Variants in CNBD1 observed in about 807,000 individuals in gnomAD.
CNBD1 encodes cyclic nucleotide-binding domain-containing protein 1.
Under a neutral mutation model 54.4 loss-of-function variants are expected in CNBD1, and 71 were observed. That is an observed-to-expected ratio of 1.30 (90% CI 1.08 to 1.59). CNBD1 has a LOEUF of 1.59. Ranked by LOEUF, CNBD1 falls within the 40% of genes most tolerant of loss-of-function variation. The pLI, the probability that CNBD1 is intolerant of heterozygous loss-of-function variation, is 0.00. For missense variants in CNBD1, 659 were observed against 518.0 expected (o/e 1.27, Z -2.64); for synonymous variants, 182 against 170.7 (o/e 1.07, Z -0.51).
At chr8:86,990,859 A>G (rs1206537648) in intron 4 of CNBD1, among the ~76,000 whole-genome samples, 3 of 151,994 alleles carry the variant, frequency 2.0e-5, no homozygotes, top group Admixed American at 1.3e-4. Context: ...GTCCTCTTAA[A>G]TTTCTTTCAA....
intron 4 of CNBD1, among the ~76,000 whole-genome samples, chr8:87,180,766 G>A (rs1236830066): frequency 2.0e-5 from 3 of 152,168 alleles, no homozygotes; most frequent in Admixed American, 2.0e-4. Flanking sequence ...AGGAGTGTGT[G>A]TTTGACTCTC....
chr8:87,247,899 G>T (rs1022459835), intron 6 of CNBD1, among the ~76,000 whole-genome samples: 1 of 152,190 alleles, frequency 6.6e-6, no homozygotes, highest in African/African-American at 2.4e-5. Flanking sequence ...CACAATTTCT[G>T]TATGGGTGAC....
downstream of CNBD1, among the ~76,000 whole-genome samples, chr8:87,385,750 G>A (rs923560457): frequency 6.6e-6 from 1 of 152,160 alleles, no homozygotes; most frequent in Admixed American, 6.5e-5. Context: ...GTCCCTGTCT[G>A]ACAGCTTTGA....
intron 4 of CNBD1, among the ~76,000 whole-genome samples, chr8:87,176,484 T>C (rs1171361377): frequency 6.0e-5 from 1 of 16,584 alleles, no homozygotes; most frequent in Non-Finnish European, 1.3e-4. Flanking sequence ...TAAGTTAGTA[T>C]TTTTTTTTTT....
chr8:86,936,576 T>A (rs147443656), intron 3 of CNBD1, among the ~76,000 whole-genome samples: 3,186 of 151,888 alleles, frequency 0.021, 105 homozygotes, highest in African/African-American at 0.073. Context: ...CCATCTCTAC[T>A]AAAAATGCAA....
intron 8 of CNBD1, among the ~76,000 whole-genome samples, chr8:87,349,107 A>G (rs530401788): frequency 9.2e-5 from 14 of 152,306 alleles, no homozygotes; most frequent in African/African-American, 2.4e-4. Context: ...AATTTTGTCT[A>G]TATAGTTCAT....
At chr8:87,186,699 T>C (rs1054292152) in intron 4 of CNBD1, among the ~76,000 whole-genome samples, 1 of 152,052 alleles carries the variant, frequency 6.6e-6, no homozygotes, top group African/African-American at 2.4e-5. Context: ...TTTTGAATTC[T>C]TATTTTAACT....
At chr8:87,113,792 G>A (rs529096535) in intron 4 of CNBD1, among the ~76,000 whole-genome samples, 13 of 152,006 alleles carry the variant, frequency 8.6e-5, no homozygotes, top group Non-Finnish European at 1.5e-4. Context: ...GGTGGCAGGC[G>A]CCTGTAGTCC....
At chr8:86,920,966 G>A (rs767445415) in intron 3 of CNBD1, among the ~76,000 whole-genome samples, 24 of 151,944 alleles carry the variant, frequency 1.6e-4, no homozygotes, top group Admixed American at 1.4e-3. Flanking sequence ...CTCTAAATGT[G>A]TGAGAGCAGA....
At chr8:87,307,432 C>T (rs1285029799) in intron 8 of CNBD1, among the ~76,000 whole-genome samples, 1 of 152,142 alleles carries the variant, frequency 6.6e-6, no homozygotes, top group Admixed American at 6.6e-5. Flanking sequence ...TTGCTGAAAA[C>T]TTAAGTGATC....
chr8:87,058,131 T>C (rs1167824912), intron 4 of CNBD1, among the ~76,000 whole-genome samples: 2 of 152,126 alleles, frequency 1.3e-5, no homozygotes, highest in Non-Finnish European at 1.5e-5. Flanking sequence ...AGAATCCAAA[T>C]AGCAGAGTCA....
At chr8:86,970,934 A>G (rs1808205953) in intron 4 of CNBD1, among the ~76,000 whole-genome samples, 1 of 152,102 alleles carries the variant, frequency 6.6e-6, no homozygotes, top group African/African-American at 2.4e-5. Flanking sequence ...TACGTTTATC[A>G]TTTCTCAAGG....
chr8:87,151,319 G>A (rs540921914), intron 4 of CNBD1, among the ~76,000 whole-genome samples: 1 of 152,186 alleles, frequency 6.6e-6, no homozygotes, highest in South Asian at 2.1e-4. Flanking sequence ...TAAGCACTAG[G>A]GATATGTTTA....
intron 3 of CNBD1, among the ~76,000 whole-genome samples, chr8:86,932,477 A>C (rs949699411): frequency 6.6e-6 from 1 of 152,122 alleles, no homozygotes; most frequent in Non-Finnish European, 1.5e-5. Context: ...TAGGATATGA[A>C]GGTAAACTGA....
intron 2 of CNBD1, among the ~76,000 whole-genome samples, chr8:87,422,266 C>T (rs1360793771): frequency 1.4e-5 from 2 of 145,386 alleles, no homozygotes; most frequent in South Asian, 2.1e-4. Flanking sequence ...TGTGCAGAAG[C>T]TCTTTAGTTT....
chr8:87,321,719 C>CT (rs1232643450), intron 8 of CNBD1, among the ~76,000 whole-genome samples: 1 of 151,250 alleles, frequency 6.6e-6, no homozygotes, highest in Non-Finnish European at 1.5e-5. Context: ...TCTATTTTTG[C>CT]TTTTTTGTGC....
intron 4 of CNBD1, among the ~76,000 whole-genome samples, chr8:87,116,713 A>C (rs1586267498): frequency 6.6e-6 from 1 of 152,134 alleles, no homozygotes. Flanking sequence ...GAAGGCTTGA[A>C]ATATAAAACA....
intron 5 of CNBD1, among the ~76,000 whole-genome samples, chr8:87,228,414 T>A (rs1814565223): frequency 6.7e-6 from 1 of 148,608 alleles, no homozygotes; most frequent in Non-Finnish European, 1.5e-5. Flanking sequence ...TACAGATGGG[T>A]TTTTGGTGTG....
chr8:87,185,835 T>C (rs1251093288), intron 4 of CNBD1, among the ~76,000 whole-genome samples: 1 of 152,156 alleles, frequency 6.6e-6, no homozygotes, highest in African/African-American at 2.4e-5. Flanking sequence ...TAATTTTCTC[T>C]GGGAACTCTG....
Sources: gnomAD v4.1 joint callset for allele counts (sites outside exome capture counted in the v4.1 genomes callset) on GRCh38, gnomAD v4.1.1 for gene constraint, MANE v1.5 for transcripts, NCBI Gene and HGNC (gene_info 2026-07-23, HGNC 2026-07-21) for gene names.